Variants in PUS10 observed in about 807,000 individuals in gnomAD.
PUS10 encodes pseudouridine synthase 10.
In PUS10, 59 loss-of-function variants were observed where a neutral mutation model predicts 75.0. The observed-to-expected ratio is 0.79, with a 90% CI of 0.64 to 0.98. The LOEUF (loss-of-function observed/expected upper bound fraction) is 0.98, where lower values mean the gene tolerates loss of function less well. PUS10 is among the 50% of genes least tolerant of loss of function. The pLI is 0.00. For missense variants in PUS10, 650 were observed against 614.4 expected (o/e 1.06, Z -0.61); for synonymous variants, 219 against 211.6 (o/e 1.03, Z -0.30).
intron 5 of PUS10, among the ~76,000 whole-genome samples, chr2:60,968,443 TG>T (rs1417783084): frequency 2.0e-5 from 3 of 152,174 alleles, no homozygotes; most frequent in East Asian, 1.9e-4. Context: ...CTGCTTTTAA[TG>T]AAAGAGATGT....
chr2:60,974,860 AC>A (rs1676935213), intron 4 of PUS10, among the ~76,000 whole-genome samples: 1 of 152,216 alleles, frequency 6.6e-6, no homozygotes, highest in African/African-American at 2.4e-5. Context: ...CAGGCATCAG[AC>A]CCAGGCGTAG....
rs773992213 is a variant in PUS10 at position 60,960,407 on chromosome 2, C to T, written c.985G>A (p.Val329Ile). 35 of 1,538,624 alleles carry T rather than the reference C, an allele frequency of 2.3e-5. No individual in the cohort carries two copies. The highest frequency in any genetic ancestry group is 1.6e-4 in the Admixed American group (7 of 45,144). The change falls in exon 11 of 18, where the codon GTA (valine) becomes ATA (isoleucine). Residue 329 changes from valine to isoleucine, a missense_variant. Val to Ile is a conservative substitution (Grantham distance 29). Coordinates refer to ENST00000316752, the MANE Select transcript of PUS10 (RefSeq NM_144709.4). ...EELISDHLLAVFKAESFNFSS... is the reference protein window; with the variant it reads ...EELISDHLLAIFKAESFNFSS... ...TAACACTTACTCTCTGCTTTAAATACTGCCAACAGATGATCTGAAATTAAT... is the reference window on the plus strand; with the variant it reads ...TAACACTTACTCTCTGCTTTAAATATTGCCAACAGATGATCTGAAATTAAT...
At chr2:60,956,140 T>C (rs903282871) in intron 11 of PUS10, among the ~76,000 whole-genome samples, 1 of 151,796 alleles carries the variant, frequency 6.6e-6, no homozygotes, top group Admixed American at 6.6e-5. Context: ...TTTTTAGATA[T>C]AGAACTAGGC....
intron 4 of PUS10, among the ~76,000 whole-genome samples, chr2:61,000,163 A>C (rs1426944219): frequency 6.6e-6 from 1 of 152,154 alleles, no homozygotes; most frequent in Non-Finnish European, 1.5e-5. Flanking sequence ...GATAATTCTA[A>C]ATTCTTAATA....
At chr2:60,955,439 C>G (rs1397449869) in intron 11 of PUS10, among the ~76,000 whole-genome samples, 1 of 152,114 alleles carries the variant, frequency 6.6e-6, no homozygotes. Context: ...AATCAATCCT[C>G]TTGTCTCAGC....
chr2:61,008,620 A>G, intron 3 of PUS10, 141 bp downstream of exon 3: 1 of 656,224 alleles, frequency 1.5e-6, no homozygotes, highest in Non-Finnish European at 2.5e-6. Context: ...TGATTGTACC[A>G]CTGCACTTCA....
At chr2:61,001,136 A>T (rs1678826814) in intron 4 of PUS10, among the ~76,000 whole-genome samples, 2 of 152,180 alleles carry the variant, frequency 1.3e-5, no homozygotes, top group South Asian at 4.1e-4. Context: ...ATCAGTTCCA[A>T]ATAGCAGATC....
chr2:60,958,103 G>A (rs972285212), intron 11 of PUS10, among the ~76,000 whole-genome samples: 2 of 152,174 alleles, frequency 1.3e-5, no homozygotes, highest in African/African-American at 4.8e-5. Context: ...TCTTTCAGCT[G>A]CCCACCACTC....
rs377061669 is a variant in PUS10 at position 61,008,919 on chromosome 2, C to T, written c.223G>A (p.Glu75Lys). ...NPPPKKIRLQ[E>K]LEDSIDNLSQ... ...AGATTATCAATACTATCTTCCAGTT[C>T]TTGCAGTCGAATTTTCTTGGGAGGT... is the stretch of plus-strand genomic sequence containing the variant. Residue 75 changes from glutamate (E) to lysine (K), a missense_variant, in exon 3 of 18, where the codon GAA becomes AAA. Transcript: ENST00000316752. 1.1e-5 allele frequency: 18 copies of T among 1,613,834 alleles called. No individual in the cohort carries two copies. In the African/African-American group the frequency reaches 1.6e-4, roughly 14 times the overall value.
At chr2:60,943,123 AC>A (rs1674721673) in intron 17 of PUS10, among the ~76,000 whole-genome samples, 1 of 152,078 alleles carries the variant, frequency 6.6e-6, no homozygotes, top group Non-Finnish European at 1.5e-5. Flanking sequence ...AGTCTCAGAA[AC>A]TTTTATTCTT....
At position 61,005,083 on chromosome 2, in the gene PUS10, C is replaced by T. The variant is rs144593844; in HGVS notation, c.468+1474G>A. 4.4e-3 allele frequency among the ~76,000 whole-genome samples: 668 copies of T among 152,200 alleles called. 11 individuals carry two copies. The highest frequency in any genetic ancestry group is 5.3e-3 in the Non-Finnish European group (359 of 68,010). On this transcript the variant is annotated intron_variant, in intron 4 of 17. Coordinates refer to ENST00000316752, the MANE Select transcript of PUS10 (RefSeq NM_144709.4). ...CAGCCTGACCAACGTGGAGAAACCC[C>T]GTCTCTACTAAAAATACAAAAATAA... is the stretch of plus-strand genomic sequence containing the variant.
At chr2:61,002,139 A>G (rs927323212) in intron 4 of PUS10, among the ~76,000 whole-genome samples, 1 of 152,216 alleles carries the variant, frequency 6.6e-6, no homozygotes, top group African/African-American at 2.4e-5. Flanking sequence ...CTTGTTAGAA[A>G]TGCAAATTCA....
At chr2:61,014,316 G>A (rs967689245) in intron 1 of PUS10, among the ~76,000 whole-genome samples, 2 of 151,582 alleles carry the variant, frequency 1.3e-5, no homozygotes, top group African/African-American at 2.4e-5. Context: ...GAGGCGGAGG[G>A]TGCAGTGAGC....
chr2:60,956,004 A>G lies in PUS10; in HGVS notation c.1001-930T>C, dbSNP rs185428303. 2.0e-3 allele frequency among the ~76,000 whole-genome samples: 298 copies of G among 152,344 alleles called. 4 individuals carry two copies. Among genetic ancestry groups the G allele is most frequent in the African/African-American group, 6.7e-3 (280 of 41,582 alleles). On this transcript the variant is annotated intron_variant, in intron 11 of 17. Coordinates refer to ENST00000316752, the MANE Select transcript of PUS10 (RefSeq NM_144709.4). ...ATATGATTATACATGTCATGAAACC[A>G]AAGCTGGGACCATGACAGAACCAGC... is the stretch of plus-strand genomic sequence containing the variant.
chr2:60,948,900 G>A (rs1361239224), intron 15 of PUS10, among the ~76,000 whole-genome samples: 3 of 152,124 alleles, frequency 2.0e-5, no homozygotes, highest in South Asian at 2.1e-4. Context: ...AAAATTGGGC[G>A]TAATCAGAAA....
chr2:61,008,842 AG>A lies in PUS10; in HGVS notation c.299del (p.Ala100ValfsTer7), dbSNP rs760952974. 1 of 1,612,544 alleles carries A rather than the reference AG, an allele frequency of 6.2e-7. No individual in the cohort carries two copies. The highest frequency in any genetic ancestry group is 8.5e-7 in the Non-Finnish European group (1 of 1,178,904). ...RISVSHVGSTASKNSNLNVCN... is the reference protein window; with the variant it reads ...RISVSHVGSTXSKNSNLNVCN... ...ATACATTTAAATTTGAGTTCTTGGAAGCAGTGCTTCCAACATGACTAACAGA... is the reference window on the plus strand; with the variant it reads ...ATACATTTAAATTTGAGTTCTTGGAACAGTGCTTCCAACATGACTAACAGA... On this transcript the variant is annotated frameshift_variant, in exon 3 of 18. Coordinates refer to ENST00000316752, the MANE Select transcript of PUS10 (RefSeq NM_144709.4). LOFTEE classifies it high-confidence loss of function.
intron 4 of PUS10, among the ~76,000 whole-genome samples, chr2:60,978,708 G>A (rs1282798152): frequency 6.6e-6 from 1 of 152,160 alleles, no homozygotes; most frequent in African/African-American, 2.4e-5. Flanking sequence ...GATCATATTT[G>A]TCTTCAGGAA....
At chr2:60,973,217 G>C (rs1320315190) in intron 4 of PUS10, among the ~76,000 whole-genome samples, 1 of 152,264 alleles carries the variant, frequency 6.6e-6, no homozygotes, top group Non-Finnish European at 1.5e-5. Flanking sequence ...GGCCAGCCCT[G>C]AAAGTGTCGG....
chr2:61,009,114 A>G (rs983402378), intron 2 of PUS10, 99 bp from the exon 3 acceptor site: 11 of 1,062,764 alleles, frequency 1.0e-5, no homozygotes, highest in African/African-American at 3.2e-5. Flanking sequence ...AAATTAGGAC[A>G]TATCACAAAT....
Sources: allele counts gnomAD v4.1 joint callset (sites outside exome capture counted in the v4.1 genomes callset), GRCh38; gene constraint gnomAD v4.1.1; transcripts MANE v1.5; gene names NCBI Gene and HGNC (gene_info 2026-07-23, HGNC 2026-07-21).